RSPH10B: variants seen among roughly 807,000 people sequenced by gnomAD.
RSPH10B encodes the protein radial spoke head 10 homolog B (Chlamydomonas).
A neutral mutation model predicts 52.5 loss-of-function variants in RSPH10B; 7 were observed. That is an observed-to-expected ratio of 0.13 (90% CI 0.08 to 0.25). The LOEUF is 0.25. Ranked by LOEUF, RSPH10B falls within the 10% of genes least tolerant of loss-of-function variation. The probability of loss-of-function intolerance (pLI) is 1.00; values close to 1 mark genes in which losing one functional copy is unlikely to be tolerated. For synonymous variants in RSPH10B, 28 were observed against 193.2 expected (o/e 0.14, Z 7.09); for missense variants, 89 against 542.5 (o/e 0.16, Z 8.30).
rs1435438215 is a variant in RSPH10B at position 5,942,925 on chromosome 7, TA to T, written c.1758+398del. 7.0e-3 allele frequency among the ~76,000 whole-genome samples: 821 copies of T among 118,032 alleles called. 2 individuals carry two copies. Among genetic ancestry groups the T allele is most frequent in the African/African-American group, 0.021 (694 of 32,332 alleles). 77.4% of individuals were successfully genotyped at this position (118,032 alleles called of 152,430 possible). On this transcript the variant is annotated intron_variant, in intron 13 of 18. Transcript: ENST00000337579. The stretch of plus-strand genomic sequence containing the variant: ...ATATATATTTATTTATATATATATA[TA>T]TTTTTTTTTAAGACAATGGCCCATG...
chr7:5,928,922 A>G (rs71232868), intron 17 of RSPH10B, among the ~76,000 whole-genome samples: 13,997 of 134,116 alleles, frequency 0.1, 1,365 homozygotes, highest in East Asian at 0.51. Context: ...CACTGTGCCC[A>G]GCCACCTCTT....
At chr7:5,927,590 T>G (rs1290156356) in intron 18 of RSPH10B, among the ~76,000 whole-genome samples, 1 of 139,320 alleles carries the variant, frequency 7.2e-6, no homozygotes, top group African/African-American at 2.9e-5. Flanking sequence ...ACCAGTCATC[T>G]CAATATAGTC....
chr7:5,927,002 A>G (rs1779465307), intron 18 of RSPH10B, among the ~76,000 whole-genome samples: 2 of 148,690 alleles, frequency 1.3e-5, no homozygotes, highest in Admixed American at 1.4e-4. Flanking sequence ...TGATCCACCC[A>G]CCTCGGCCTC....
At chr7:5,929,241 A>G (rs1779691758) in intron 17 of RSPH10B, among the ~76,000 whole-genome samples, 1 of 143,528 alleles carries the variant, frequency 7.0e-6, no homozygotes, top group African/African-American at 2.7e-5. Flanking sequence ...GTGCAGTGGT[A>G]CCATCATGGC....
intron 10 of RSPH10B, among the ~76,000 whole-genome samples, chr7:5,945,848 A>AACTTCCT (rs760808845): frequency 0.18 from 97 of 540 alleles, no homozygotes; most frequent in Middle Eastern, 0.5. Flanking sequence ...CAAAGTTGTT[A>AACTTCCT]AATTGATGAC....
At chr7:5,947,655 C>T (rs1431109491) in intron 10 of RSPH10B, among the ~76,000 whole-genome samples, 3 of 103,848 alleles carry the variant, frequency 2.9e-5, no homozygotes, top group South Asian at 3.4e-4. Context: ...ACAGAGGTTG[C>T]GGTGAGCCGA....
exon 18 of RSPH10B, chr7:5,928,202 T>G (rs1779614080): frequency 6.2e-7 from 1 of 1,612,696 alleles, no homozygotes; most frequent in Non-Finnish European, 8.5e-7. Flanking sequence ...TTACCTTGCT[T>G]CCAGTTCGTC....
At chr7:5,927,056 G>GTATATT (rs1562553137) in intron 18 of RSPH10B, among the ~76,000 whole-genome samples, 185 of 78,124 alleles carry the variant, frequency 2.4e-3, no homozygotes, top group African/African-American at 9.3e-3. Context: ...TATTATGTGT[G>GTATATT]TGTGTGTGTG....
At position 5,942,816 on chromosome 7, in the gene RSPH10B, C is replaced by A. The variant is rs767054580; in HGVS notation, c.1758+508G>T. Among the ~76,000 whole-genome samples, 998 of 150,158 alleles carry A rather than the reference C, an allele frequency of 6.6e-3. 18 individuals carry two copies. The highest frequency in any genetic ancestry group is 0.021 in the Middle Eastern group (6 of 288). On this transcript the variant is annotated intron_variant, in intron 13 of 18. Transcript: ENST00000337579. The stretch of plus-strand genomic sequence containing the variant: ...GGTGGAGGTTGCAGTGAGCCAAGAT[C>A]ACTTCATTGCACTCCAGCCTGAGTG...
intron 17 of RSPH10B, among the ~76,000 whole-genome samples, chr7:5,928,718 A>G (rs58009947): frequency 0.12 from 17,831 of 144,264 alleles, 342 homozygotes; most frequent in Middle Eastern, 0.18. Flanking sequence ...TGCAACCTCC[A>G]CCTCCTGGGT....
intron 17 of RSPH10B, among the ~76,000 whole-genome samples, chr7:5,931,562 TAACA>T (rs1248111589): frequency 3.3e-5 from 5 of 149,768 alleles, no homozygotes; most frequent in Non-Finnish European, 5.9e-5. Context: ...CCCATCTCTT[TAACA>T]AACAAAGACC....
At chr7:5,966,514 A>G (rs1485850416) in intron 1 of RSPH10B, among the ~76,000 whole-genome samples, 2 of 80,158 alleles carry the variant, frequency 2.5e-5, no homozygotes, top group Non-Finnish European at 5.3e-5. Flanking sequence ...AATTACCTTC[A>G]GGCCAGGCAC....
At chr7:5,954,120 G>T (rs1780666956) in intron 7 of RSPH10B, among the ~76,000 whole-genome samples, 2 of 119,356 alleles carry the variant, frequency 1.7e-5, no homozygotes, top group African/African-American at 6.2e-5. Context: ...TGGGATTACA[G>T]GCGTGAGCCA....
chr7:5,927,048 T>TGTGTGTGTA (rs1347951159), intron 18 of RSPH10B, among the ~76,000 whole-genome samples: 18 of 70,880 alleles, frequency 2.5e-4, no homozygotes, highest in South Asian at 1.9e-3. Flanking sequence ...TGTGTGTGTA[T>TGTGTGTGTA]TATGTGTGTG....
rs543474306 is a variant in RSPH10B, at chr7:5,937,974, GTTCA to G, written c.1867-77_1867-74del. 1.8e-3 allele frequency: 962 copies of G among 530,284 alleles called. 40 individuals carry two copies. Among genetic ancestry groups the G allele is most frequent in the African/African-American group, 9.7e-3 (457 of 47,210 alleles). 32.8% of individuals were successfully genotyped at this position (530,284 alleles called of 1,614,324 possible). A position where few individuals can be genotyped will look rare whatever the true frequency, so the allele number is the denominator to read the frequency against. ...GGAGACAGAGCATTGATTGACTGGT[GTTCA>G]TTATTTCCTGACATCTGAATATGCA... is the stretch of plus-strand genomic sequence containing the variant. On this transcript the variant is annotated intron_variant, in intron 14 of 18. Coordinates refer to ENST00000337579, the Ensembl canonical transcript of RSPH10B.
chr7:5,940,116 G>C (rs1406115499), intron 13 of RSPH10B, among the ~76,000 whole-genome samples: 3 of 123,130 alleles, frequency 2.4e-5, no homozygotes, highest in Admixed American at 1.8e-4. Flanking sequence ...GGAATCACTT[G>C]AGCCCAGGAG....
intron 17 of RSPH10B, among the ~76,000 whole-genome samples, chr7:5,931,183 C>T (rs1277676201): frequency 1.4e-5 from 2 of 145,070 alleles, no homozygotes; most frequent in African/African-American, 2.5e-5. Flanking sequence ...CTGCCTGCCT[C>T]GGCCTCCCAA....
chr7:5,937,260 AAC>A (rs1779971971), intron 15 of RSPH10B, among the ~76,000 whole-genome samples: 2 of 139,770 alleles, frequency 1.4e-5, no homozygotes, highest in African/African-American at 5.0e-5. Context: ...CCTGTCTCAA[AAC>A]ACATAAAATA....
rs529339716 is a variant in RSPH10B at position 5,963,902 on chromosome 7, CAA to C, written c.399+598_399+599del. On this transcript the variant is annotated intron_variant, in intron 3 of 18. Coordinates refer to ENST00000337579, the Ensembl canonical transcript of RSPH10B. Reference sequence around the variant, plus strand: ...GGCAACATGGCAAACCCTGTCTCTACAAAAAAAAAAAAAAAAAGTAAAAATAA... The same window carrying C: ...GGCAACATGGCAAACCCTGTCTCTACAAAAAAAAAAAAAAAGTAAAAATAA... Among the ~76,000 whole-genome samples the C allele has an allele frequency of 1.4e-3, 113 of 83,164 alleles. 1 individual carries two copies. The highest frequency in any genetic ancestry group is 4.2e-3 in the African/African-American group (95 of 22,424). The allele number at this position is 83,164 out of a possible 152,430, so 54.6% of individuals were successfully genotyped here.
Sources: allele counts gnomAD v4.1 joint callset (sites outside exome capture counted in the v4.1 genomes callset), GRCh38; gene constraint gnomAD v4.1.1; transcripts MANE v1.5; gene names NCBI Gene and HGNC (gene_info 2026-07-23, HGNC 2026-07-21).